ROBO2: variants seen among roughly 807,000 people sequenced by gnomAD.
ROBO2 encodes the protein roundabout guidance receptor 2, also known as roundabout homolog 2.
ROBO2 carries 53 observed loss-of-function variants against 160.8 expected under a neutral mutation model. That is an observed-to-expected ratio of 0.33 (90% CI 0.26 to 0.41). ROBO2 has a LOEUF of 0.41. ROBO2 is among the 10% of genes least tolerant of loss of function. The pLI is 1.00. For synonymous variants in ROBO2, 664 were observed against 611.7 expected (o/e 1.09, Z -1.26); for missense variants, 1,577 against 1,722.4 (o/e 0.92, Z 1.49).
At chr3:77,570,348 A>G (rs1392058857) in intron 13 of ROBO2, among the ~76,000 whole-genome samples, 1 of 151,968 alleles carries the variant, frequency 6.6e-6, no homozygotes, top group African/African-American at 2.4e-5. Context: ...GACGTTGTCT[A>G]TTCATCTCTG....
rs956576106 is a variant in ROBO2 at position 76,660,116 on chromosome 3, C to T, written c.110-437898C>T. 3.7e-4 allele frequency among the ~76,000 whole-genome samples: 51 copies of T among 137,976 alleles called. 1 individual carries two copies. The highest frequency in any genetic ancestry group is 4.6e-4 in the Admixed American group (6 of 12,990). 90.5% of individuals were successfully genotyped at this position (137,976 alleles called of 152,430 possible). ...ATCATTCATAACAAAGTTTTATGGCCGTTAGACAGAGTAATTTTATGCTTG... is the reference window on the plus strand; with the variant it reads ...ATCATTCATAACAAAGTTTTATGGCTGTTAGACAGAGTAATTTTATGCTTG... On this transcript the variant is annotated intron_variant, in intron 2 of 26. Transcript: ENST00000487694.
intron 2 of ROBO2, among the ~76,000 whole-genome samples, chr3:77,225,720 A>C (rs1163951244): frequency 6.6e-6 from 1 of 152,070 alleles, no homozygotes; most frequent in East Asian, 1.9e-4. Flanking sequence ...AATTGCATGT[A>C]ATAGTGTATT....
intron 2 of ROBO2, among the ~76,000 whole-genome samples, chr3:76,204,292 G>T (rs562240712): frequency 6.6e-6 from 1 of 152,208 alleles, no homozygotes; most frequent in East Asian, 1.9e-4. Context: ...TTTCTTTTGA[G>T]AAATGGAAGC....
At chr3:77,632,134 T>A (rs1286754017) in intron 23 of ROBO2, 1 of 164,916 alleles carries the variant, frequency 6.1e-6, no homozygotes, top group Non-Finnish European at 1.3e-5. Context: ...ACTAAGTTTG[T>A]TTTACTAAAA....
intron 2 of ROBO2, among the ~76,000 whole-genome samples, chr3:76,904,405 G>A (rs1489271235): frequency 6.6e-6 from 1 of 151,482 alleles, no homozygotes; most frequent in African/African-American, 2.4e-5. Context: ...TACATTTATT[G>A]CTAAGCTGAC....
At chr3:76,264,152 G>T (rs553185859) in intron 2 of ROBO2, among the ~76,000 whole-genome samples, 8 of 152,010 alleles carry the variant, frequency 5.3e-5, no homozygotes, top group South Asian at 2.1e-4. Flanking sequence ...CAGGTTGATG[G>T]GTGCAGCAAA....
intron 2 of ROBO2, among the ~76,000 whole-genome samples, chr3:76,523,379 T>G (rs1053502219): frequency 2.6e-4 from 39 of 152,244 alleles, no homozygotes; most frequent in Non-Finnish European, 4.7e-4. Flanking sequence ...TACTTGGACA[T>G]GTCTTGAATT....
chr3:77,477,655 T>C, intron 3 of ROBO2, 84 bp downstream of exon 3: 1 of 1,292,582 alleles, frequency 7.7e-7, no homozygotes, highest in East Asian at 2.5e-5. Context: ...TCTTTAACAT[T>C]ATTAATACAA....
chr3:77,372,867 G>A (rs1671994841), intron 2 of ROBO2, among the ~76,000 whole-genome samples: 1 of 151,800 alleles, frequency 6.6e-6, no homozygotes, highest in Admixed American at 6.6e-5. Flanking sequence ...TCTTTTTCAT[G>A]AATAATACCT....
chr3:77,623,487 A>G lies in ROBO2; in HGVS notation c.3760+1055A>G, dbSNP rs894575441. The stretch of plus-strand genomic sequence containing the variant: ...GTTTATGACAGGATAAAGCAGCATC[A>G]GCGCCTATGATTTTCCTCTGTATTC... On this transcript the variant is annotated intron_variant, in intron 23 of 25. Transcript: ENST00000461745. 6.6e-5 allele frequency among the ~76,000 whole-genome samples: 10 copies of G among 152,256 alleles called. No homozygotes were observed. The East Asian group carries it at 1.9e-3, about 29-fold the overall frequency.
chr3:77,009,945 TAAAAAA>T (rs11436984), intron 2 of ROBO2, among the ~76,000 whole-genome samples: 6 of 104,486 alleles, frequency 5.7e-5, no homozygotes, highest in African/African-American at 1.8e-4. Context: ...GACTCTGTCT[TAAAAAA>T]AAAAAAAAAA....
chr3:76,825,982 C>A (rs1295021331), intron 2 of ROBO2, among the ~76,000 whole-genome samples: 2 of 150,148 alleles, frequency 1.3e-5, no homozygotes, highest in Non-Finnish European at 3.0e-5. Context: ...CAGGAAAAAT[C>A]TGTTGACGAG....
intron 2 of ROBO2, among the ~76,000 whole-genome samples, chr3:76,963,780 A>G (rs1398478802): frequency 6.7e-6 from 1 of 149,092 alleles, no homozygotes; most frequent in Non-Finnish European, 1.5e-5. Context: ...ATAAAGGTAT[A>G]TGTAGATTTT....
chr3:76,913,935 A>G (rs1432256909), intron 2 of ROBO2, among the ~76,000 whole-genome samples: 1 of 144,266 alleles, frequency 6.9e-6, no homozygotes, highest in Non-Finnish European at 1.5e-5. Flanking sequence ...AGTAACTGTG[A>G]ATAATACTCC....
intron 2 of ROBO2, among the ~76,000 whole-genome samples, chr3:76,034,366 G>A (rs951341433): frequency 2.9e-4 from 44 of 152,098 alleles, no homozygotes; most frequent in African/African-American, 1.0e-3. Context: ...TAATTCAGAA[G>A]GACTAAATGC....
chr3:77,560,541 T>C (rs923059610), intron 9 of ROBO2, among the ~76,000 whole-genome samples: 12 of 152,248 alleles, frequency 7.9e-5, no homozygotes, highest in South Asian at 2.1e-4. Context: ...AGTTCACTCA[T>C]ACAGTCAAGA....
chr3:76,382,933 C>T (rs1372823446), intron 2 of ROBO2, among the ~76,000 whole-genome samples: 2 of 152,074 alleles, frequency 1.3e-5, no homozygotes, highest in African/African-American at 4.8e-5. Context: ...AGGATTCTGT[C>T]AGTGAGATTC....
chr3:76,578,887 C>A (rs1257320656), intron 2 of ROBO2, among the ~76,000 whole-genome samples: 1 of 152,152 alleles, frequency 6.6e-6, no homozygotes, highest in Non-Finnish European at 1.5e-5. Context: ...TCTCTCCAGC[C>A]TTCTTCGTTT....
chr3:77,026,350 A>T (rs1258002998), intron 2 of ROBO2, among the ~76,000 whole-genome samples: 7 of 152,226 alleles, frequency 4.6e-5, no homozygotes, highest in Non-Finnish European at 1.0e-4. Context: ...ATAGTAGATG[A>T]ACTAGCTACC....
Sources: gnomAD v4.1 joint callset for allele counts (sites outside exome capture counted in the v4.1 genomes callset) on GRCh38, gnomAD v4.1.1 for gene constraint, MANE v1.5 for transcripts, NCBI Gene and HGNC (gene_info 2026-07-23, HGNC 2026-07-21) for gene names.